TET2: variants seen among roughly 807,000 people sequenced by gnomAD.
TET2 encodes the protein methylcytosine dioxygenase TET2.
A neutral mutation model predicts 142.9 loss-of-function variants in TET2; 299 were observed. That is an observed-to-expected ratio of 2.09 (90% CI 1.90 to 2.30). The LOEUF is 2.30. Among genes scored for constraint, TET2 ranks in the 30% most tolerant of loss-of-function variants. The pLI, the probability that TET2 is intolerant of heterozygous loss-of-function variation, is 0.00. For synonymous variants in TET2, 819 were observed against 849.0 expected (o/e 0.96, Z 0.61); for missense variants, 2,418 against 2,378.0 (o/e 1.02, Z -0.35).
intron 10 of TET2, among the ~76,000 whole-genome samples, 166 bp downstream of exon 10, chr4:105,273,084 A>T (rs1159848814): frequency 1.3e-5 from 2 of 152,202 alleles, no homozygotes; most frequent in African/African-American, 2.4e-5. Flanking sequence ...TGCTGCACAG[A>T]TCAACCCATT....
Position 105,261,749 on chromosome 4 carries a change from CTT to C in TET2, c.3955-8_3955-7del, listed in dbSNP as rs372291690. 8.0e-6 allele frequency: 12 copies of C among 1,508,704 alleles called. No homozygotes were observed. The African/African-American group carries it at 1.7e-4, about 21-fold the overall frequency. The allele number at this position is 1,508,704 out of a possible 1,614,324, so 93.5% of individuals were successfully genotyped here. A position where few individuals can be genotyped will look rare whatever the true frequency, so the allele number is the denominator to read the frequency against. ...AGAATTTAATATGTAGAATTATTCACTTTATACAGGAAGAGAAACTGGAGTCT... is the reference window on the plus strand; with the variant it reads ...AGAATTTAATATGTAGAATTATTCACTATACAGGAAGAGAAACTGGAGTCT... On this transcript the variant is annotated splice_polypyrimidine_tract_variant and splice_region_variant and intron_variant, in intron 7 of 10. Transcript: ENST00000380013.
At chr4:105,237,501 C>T in intron 3 of TET2, 150 bp downstream of exon 3, 2 of 1,602,880 alleles carry the variant, frequency 1.2e-6, no homozygotes, top group Non-Finnish European at 1.7e-6. Flanking sequence ...CATTTTTTGT[C>T]AAGTTACCGA....
chr4:105,237,695 AAAC>A (rs1729039188), intron 3 of TET2: 1 of 1,314,430 alleles, frequency 7.6e-7, no homozygotes, highest in East Asian at 3.3e-5. Context: ...GGCAGCAAAA[AAAC>A]AATCTATTAA....
chr4:105,249,969 A>G (rs926876330), intron 6 of TET2, among the ~76,000 whole-genome samples: 13 of 152,192 alleles, frequency 8.5e-5, no homozygotes, highest in African/African-American at 3.1e-4. Context: ...TTAAGAAATC[A>G]TTGCCTCATT....
At chr4:105,171,980 A>G (rs1459378605) in intron 1 of TET2, among the ~76,000 whole-genome samples, 1 of 152,200 alleles carries the variant, frequency 6.6e-6, no homozygotes, top group African/African-American at 2.4e-5. Flanking sequence ...GGTTGTCTTT[A>G]GATTATATCC....
At chr4:105,148,414 T>C (rs887858398) in intron 1 of TET2, among the ~76,000 whole-genome samples, 1 of 152,210 alleles carries the variant, frequency 6.6e-6, no homozygotes, top group Non-Finnish European at 1.5e-5. Context: ...TTCATGAATT[T>C]AATATCTCAA....
intron 2 of TET2, among the ~76,000 whole-genome samples, chr4:105,212,833 T>C (rs1046929591): frequency 2.0e-5 from 3 of 151,924 alleles, no homozygotes; most frequent in African/African-American, 7.3e-5. Context: ...CTACTAAAAA[T>C]ACAAAAACTA....
At position 105,186,383 on chromosome 4, in the gene TET2, G is replaced by A. The variant is rs75786181; in HGVS notation, c.-192-3977G>A. 2.0e-3 allele frequency among the ~76,000 whole-genome samples: 298 copies of A among 150,138 alleles called. 16 individuals carry two copies. The East Asian group carries it at 0.054, about 27-fold the overall frequency. ...GCACTACCCTTCATATGTTTGTTCC[G>A]TTTTATCTTCTAAGTGATTTTTTTA... On this transcript the variant is annotated intron_variant, in intron 1 of 10. Coordinates refer to ENST00000380013, the MANE Select transcript of TET2 (RefSeq NM_001127208.3).
chr4:105,229,887 T>TA (rs1728407985), intron 2 of TET2, among the ~76,000 whole-genome samples: 1 of 152,108 alleles, frequency 6.6e-6, no homozygotes, highest in South Asian at 2.1e-4. Flanking sequence ...AATATAGAGA[T>TA]ACTAATTTTA....
chr4:105,204,268 C>T (rs993604875), intron 2 of TET2, among the ~76,000 whole-genome samples: 4 of 124,646 alleles, frequency 3.2e-5, no homozygotes, highest in African/African-American at 9.0e-5. Flanking sequence ...CACACACACA[C>T]ATACATACAT....
At chr4:105,241,641 G>C in intron 4 of TET2, 1 of 1,283,138 alleles carries the variant, frequency 7.8e-7, no homozygotes, top group South Asian at 3.1e-5. Context: ...GCTGGCACAG[G>C]CTGCCCACTT....
At chr4:105,224,356 T>C (rs1728042668) in intron 2 of TET2, among the ~76,000 whole-genome samples, 1 of 152,172 alleles carries the variant, frequency 6.6e-6, no homozygotes, top group South Asian at 2.1e-4. Context: ...CACACTAATG[T>C]GCTATTTTTA....
rs1465323126 is a variant in TET2 at position 105,236,797 on chromosome 4, T to C, written c.2855T>C (p.Leu952Pro). The stretch of plus-strand genomic sequence containing the variant: ...AAGGACACTCAAAAGCATGCTGCTC[T>C]AAGGTGGCATCTCTTACAGAAGCAA... ...PQKDTQKHAA[L>P]RWHLLQKQEQ... Residue 952 changes from leucine to proline, a missense_variant, in exon 3 of 11, where the codon CTA becomes CCA. Leu to Pro is a moderately conservative substitution (Grantham distance 98). Coordinates refer to ENST00000380013, the MANE Select transcript of TET2 (RefSeq NM_001127208.3). The C allele has an allele frequency of 4.3e-6, 7 of 1,614,168 alleles. No individual in the cohort carries two copies. Among genetic ancestry groups the C allele is most frequent in the Non-Finnish European group, 5.9e-6 (7 of 1,180,012 alleles).
chr4:105,199,179 C>T (rs1308108271), intron 2 of TET2, among the ~76,000 whole-genome samples: 1 of 152,152 alleles, frequency 6.6e-6, no homozygotes, highest in Non-Finnish European at 1.5e-5. Flanking sequence ...ACTTACTGGT[C>T]CCTTAAATAT....
chr4:105,208,348 C>T (rs1726948865), intron 2 of TET2, among the ~76,000 whole-genome samples: 1 of 152,118 alleles, frequency 6.6e-6, no homozygotes, highest in South Asian at 2.1e-4. Context: ...TGGTAGCAAA[C>T]ATTCATTTGT....
intron 2 of TET2, among the ~76,000 whole-genome samples, chr4:105,196,165 C>CTT (rs568308818): frequency 0.059 from 8,640 of 145,896 alleles, 676 homozygotes; most frequent in African/African-American, 0.18. Context: ...TGCCTCTGTT[C>CTT]TTTTTTTTTT....
chr4:105,235,143 C>G lies in TET2; in HGVS notation c.1201C>G (p.Pro401Ala), dbSNP rs1363167740. 6 of 1,613,676 alleles carry G rather than the reference C, an allele frequency of 3.7e-6. No homozygotes were observed. Residue 401 changes from proline to alanine, a missense_variant, in exon 3 of 11, where the codon CCA (proline) becomes GCA (alanine). Pro to Ala is a conservative substitution (Grantham distance 27). Coordinates refer to ENST00000380013, the MANE Select transcript of TET2 (RefSeq NM_001127208.3). ...SFSATTTPPP[P>A]SQLLLSPPPP... ...TTCTGCCACTACCACACCACCACCA[C>G]CATCACAATTGCTTCTTTCTCCCCC...
rs187955474 is a variant in TET2, at chr4:105,272,493, A to G, written c.4183-71A>G. The G allele has an allele frequency of 5.9e-4, 605 of 1,032,962 alleles. 1 individual carries two copies. Among genetic ancestry groups the G allele is most frequent in the Non-Finnish European group, 1.2e-4 (85 of 721,800 alleles). The allele number at this position is 1,032,962 out of a possible 1,614,324, so 64.0% of individuals were successfully genotyped here. A position where few individuals can be genotyped will look rare whatever the true frequency, so the allele number is the denominator to read the frequency against. ...ACAAATCTGAATACTGAGAGGAGAA[A>G]GATACACACACACACACACGTTTTC... is the stretch of plus-strand genomic sequence containing the variant. On this transcript the variant is annotated intron_variant, in intron 9 of 10. Coordinates refer to ENST00000380013, the MANE Select transcript of TET2 (RefSeq NM_001127208.3).
At chr4:105,223,689 A>T (rs997802498) in intron 2 of TET2, among the ~76,000 whole-genome samples, 1 of 152,190 alleles carries the variant, frequency 6.6e-6, no homozygotes, top group African/African-American at 2.4e-5. Flanking sequence ...AATCCAAAAT[A>T]GTTTTGGAGA....
Sources: gnomAD v4.1 joint callset for allele counts (sites outside exome capture counted in the v4.1 genomes callset) on GRCh38, gnomAD v4.1.1 for gene constraint, MANE v1.5 for transcripts, NCBI Gene and HGNC (gene_info 2026-07-23, HGNC 2026-07-21) for gene names.